Variants in LINGO2 observed in about 807,000 individuals in gnomAD.
LINGO2 encodes the protein leucine rich repeat and Ig domain containing 2.
LINGO2 carries 14 observed loss-of-function variants against 30.6 expected under a neutral mutation model. The ratio of observed to expected loss-of-function variants is 0.46; its 90% confidence interval spans 0.30 to 0.72. The LOEUF is 0.72. Among genes scored for constraint, LINGO2 ranks in the 30% least tolerant of loss-of-function variants. The pLI is 0.07. For missense variants in LINGO2, 729 were observed against 751.7 expected (o/e 0.97, Z 0.35); for synonymous variants, 317 against 288.5 (o/e 1.10, Z -1.00).
At chr9:28,763,477 T>C in the LINGO2 span, among the ~76,000 whole-genome samples, 3 of 151,758 alleles carry the variant, frequency 2.0e-5, no homozygotes, top group African/African-American at 7.3e-5. Context: ...ATTTAGAAAA[T>C]ATCTCAAGAC....
chr9:29,127,185 C>T, the LINGO2 span, among the ~76,000 whole-genome samples: 1 of 152,186 alleles, frequency 6.6e-6, no homozygotes, highest in East Asian at 1.9e-4. Flanking sequence ...GCTCTTCAGC[C>T]ACTTGCTCAA....
the LINGO2 span, among the ~76,000 whole-genome samples, chr9:29,000,566 T>C: frequency 2.6e-5 from 4 of 151,988 alleles, no homozygotes; most frequent in Admixed American, 2.6e-4. Flanking sequence ...AGAACTCTAG[T>C]CATGAAGTTA....
At chr9:27,961,577 G>C (rs2118584175) in intron 5 of LINGO2, among the ~76,000 whole-genome samples, 1 of 152,286 alleles carries the variant, frequency 6.6e-6, no homozygotes, top group South Asian at 2.1e-4. Flanking sequence ...ACTGTGATAA[G>C]CTGTTTACAC....
chr9:28,876,255 T>G, the LINGO2 span, among the ~76,000 whole-genome samples: 1 of 151,980 alleles, frequency 6.6e-6, no homozygotes, highest in African/African-American at 2.4e-5. Context: ...TATTTTTATT[T>G]TATTTTTATT....
intron 4 of LINGO2, among the ~76,000 whole-genome samples, chr9:28,277,836 AC>A: frequency 7.9e-6 from 1 of 126,204 alleles, no homozygotes; most frequent in Non-Finnish European, 1.6e-5. Flanking sequence ...ACAAAACAAA[AC>A]AAAAAAAAAA....
intron 5 of LINGO2, among the ~76,000 whole-genome samples, chr9:27,990,226 T>A (rs536494162): frequency 6.6e-6 from 1 of 152,160 alleles, no homozygotes; most frequent in African/African-American, 2.4e-5. Context: ...TTCAACAAGA[T>A]TCAACATAAT....
At chr9:28,150,197 C>T (rs767316944) in intron 4 of LINGO2, among the ~76,000 whole-genome samples, 3 of 143,070 alleles carry the variant, frequency 2.1e-5, no homozygotes, top group African/African-American at 5.2e-5. Flanking sequence ...GCCCCTGCAC[C>T]GTCTGGGAAA....
chr9:29,064,139 T>C, the LINGO2 span, among the ~76,000 whole-genome samples: 12 of 152,290 alleles, frequency 7.9e-5, no homozygotes, highest in African/African-American at 2.9e-4. Flanking sequence ...TTATGGAATT[T>C]ATTTTAAAAA....
chr9:29,198,346 C>T, the LINGO2 span, among the ~76,000 whole-genome samples: 5 of 152,074 alleles, frequency 3.3e-5, no homozygotes, highest in South Asian at 4.1e-4. Context: ...TCCTTTGCAG[C>T]GTAAGTGGCT....
the LINGO2 span, among the ~76,000 whole-genome samples, chr9:28,816,216 T>C: frequency 6.6e-6 from 1 of 152,180 alleles, no homozygotes; most frequent in East Asian, 1.9e-4. Flanking sequence ...CACTGTGGCA[T>C]TGGAGATTAA....
chr9:29,048,054 T>C, the LINGO2 span, among the ~76,000 whole-genome samples: 6 of 152,086 alleles, frequency 3.9e-5, no homozygotes, highest in African/African-American at 1.4e-4. Flanking sequence ...GAGGTTGTAG[T>C]GAGCTGAGAT....
chr9:29,018,039 GAGAGA>G, the LINGO2 span, among the ~76,000 whole-genome samples: 1 of 81,868 alleles, frequency 1.2e-5, no homozygotes. Flanking sequence ...TATATATAGA[GAGAGA>G]GAGATCTATA....
the LINGO2 span, among the ~76,000 whole-genome samples, chr9:28,945,468 T>C: frequency 6.6e-6 from 1 of 152,190 alleles, no homozygotes; most frequent in African/African-American, 2.4e-5. Flanking sequence ...CTTGTCTCAT[T>C]CTTACCTATC....
downstream of LINGO2, chr9:27,943,567 G>A (rs1415897575): frequency 1.3e-5 from 2 of 151,108 alleles, no homozygotes; most frequent in African/African-American, 4.9e-5. Context: ...TTGTGATTAT[G>A]TGAATGGTAA....
the LINGO2 span, among the ~76,000 whole-genome samples, chr9:28,967,178 T>A: frequency 6.6e-6 from 1 of 152,258 alleles, no homozygotes; most frequent in African/African-American, 2.4e-5. Context: ...GCCTTGTTTG[T>A]TATCTGCCTT....
the LINGO2 span, among the ~76,000 whole-genome samples, chr9:28,937,754 C>T: frequency 6.6e-6 from 1 of 152,168 alleles, no homozygotes; most frequent in Non-Finnish European, 1.5e-5. Context: ...AGTGGCAGAC[C>T]TGCTAGTCTC....
intron 4 of LINGO2, among the ~76,000 whole-genome samples, chr9:28,099,728 AAT>A (rs1313818839): frequency 6.6e-6 from 1 of 152,164 alleles, no homozygotes; most frequent in African/African-American, 2.4e-5. Flanking sequence ...ATCCTCATGA[AAT>A]ATTGATTCAC....
chr9:28,350,736 C>G (rs1254016195), intron 3 of LINGO2, among the ~76,000 whole-genome samples: 1 of 151,030 alleles, frequency 6.6e-6, no homozygotes, highest in Non-Finnish European at 1.5e-5. Flanking sequence ...CAAAATTGAC[C>G]ACATACTTGG....
intron 1 of LINGO2, among the ~76,000 whole-genome samples, chr9:28,666,440 A>G (rs1387092177): frequency 6.6e-6 from 1 of 152,194 alleles, no homozygotes; most frequent in Non-Finnish European, 1.5e-5. Flanking sequence ...AGAACCCTAT[A>G]TCACTAGAAA....
Sources: allele counts gnomAD v4.1 joint callset (sites outside exome capture counted in the v4.1 genomes callset), GRCh38; gene constraint gnomAD v4.1.1; transcripts MANE v1.5; gene names NCBI Gene and HGNC (gene_info 2026-07-23, HGNC 2026-07-21).